WWOX: variants seen among roughly 807,000 people sequenced by gnomAD.
WWOX encodes the protein WW domain-containing oxidoreductase.
In WWOX, 69 loss-of-function variants were observed where a neutral mutation model predicts 46.2. The observed-to-expected ratio is 1.49, with a 90% CI of 1.23 to 1.82. The LOEUF is 1.82. WWOX is among the 40% of genes most tolerant of loss of function. The pLI is 0.00. For missense variants in WWOX, 919 were observed against 542.6 expected (o/e 1.69, Z -6.89); for synonymous variants, 359 against 202.6 (o/e 1.77, Z -6.56).
At chr16:78,325,028 C>T (rs964983527) in intron 5 of WWOX, among the ~76,000 whole-genome samples, 2 of 152,174 alleles carry the variant, frequency 1.3e-5, no homozygotes, top group African/African-American at 2.4e-5. Flanking sequence ...CACAAAAACC[C>T]ATTCCTCAGA....
At chr16:79,055,141 C>T (rs1190899918) in intron 8 of WWOX, among the ~76,000 whole-genome samples, 2 of 152,100 alleles carry the variant, frequency 1.3e-5, no homozygotes, top group African/African-American at 4.8e-5. Flanking sequence ...AAGAAAAAAA[C>T]ATTCCTCCTC....
At chr16:78,725,737 G>A (rs922997640) in intron 8 of WWOX, among the ~76,000 whole-genome samples, 1 of 152,012 alleles carries the variant, frequency 6.6e-6, no homozygotes, top group Admixed American at 6.6e-5. Context: ...AAATCAAGGT[G>A]TCAGCACAGC....
intron 8 of WWOX, chr16:78,552,523 T>A (rs2044198345): frequency 6.6e-6 from 1 of 152,182 alleles, no homozygotes; most frequent in Non-Finnish European, 1.5e-5. Flanking sequence ...GAGCGATGAG[T>A]AGAGGAGCAG....
At chr16:78,709,200 T>C (rs1288376470) in intron 8 of WWOX, among the ~76,000 whole-genome samples, 2 of 152,232 alleles carry the variant, frequency 1.3e-5, no homozygotes. Context: ...GTGTGGAATG[T>C]GGCTCTGGAA....
chr16:78,860,228 A>C (rs114666879), intron 8 of WWOX, among the ~76,000 whole-genome samples: 1 of 152,194 alleles, frequency 6.6e-6, no homozygotes, highest in African/African-American at 2.4e-5. Flanking sequence ...TATTTATACT[A>C]TTTGTCAATT....
At chr16:78,713,560 C>T (rs1271437702) in intron 8 of WWOX, among the ~76,000 whole-genome samples, 2 of 152,004 alleles carry the variant, frequency 1.3e-5, no homozygotes, top group Non-Finnish European at 2.9e-5. Context: ...GTCCCTAATT[C>T]AGTTTAATTT....
chr16:78,670,945 G>T (rs1302693090), intron 8 of WWOX, among the ~76,000 whole-genome samples: 1 of 151,976 alleles, frequency 6.6e-6, no homozygotes, highest in African/African-American at 2.4e-5. Flanking sequence ...AGAGAGGAAG[G>T]TGATGCCAAG....
At chr16:78,289,677 T>C (rs560758081) in intron 5 of WWOX, among the ~76,000 whole-genome samples, 32 of 152,338 alleles carry the variant, frequency 2.1e-4, no homozygotes, top group Non-Finnish European at 3.7e-4. Context: ...CAGATTCCAA[T>C]TGTAAAATCA....
In WWOX at chr16:78,209,863, A is replaced by C. The variant is rs1362553867; in HGVS notation, c.516+45574A>C. Among the ~76,000 whole-genome samples, 3 of 152,298 alleles carry C rather than the reference A, an allele frequency of 2.0e-5. No homozygotes were observed. In the East Asian group the frequency reaches 5.8e-4, roughly 29 times the overall value. On this transcript the variant is annotated intron_variant, in intron 5 of 8. Coordinates refer to ENST00000566780, the MANE Select transcript of WWOX (RefSeq NM_016373.4). ...TCTTTCCAAGGGTAAGACCTTCATA[A>C]TTCATTTATAAGTTACCTTCTTTCT...
intron 8 of WWOX, among the ~76,000 whole-genome samples, chr16:78,867,735 C>G (rs755379476): frequency 9.2e-5 from 14 of 152,036 alleles, no homozygotes; most frequent in Non-Finnish European, 1.6e-4. Flanking sequence ...AGTCCTACAA[C>G]TGGTGAGCTG....
intron 8 of WWOX, among the ~76,000 whole-genome samples, chr16:79,143,496 A>T (rs1597414640): frequency 6.6e-6 from 1 of 152,338 alleles, no homozygotes; most frequent in South Asian, 2.1e-4. Flanking sequence ...AGATTTTACT[A>T]GCTAGGACAA....
intron 8 of WWOX, among the ~76,000 whole-genome samples, chr16:78,788,697 T>A (rs2050518338): frequency 6.6e-6 from 1 of 152,238 alleles, no homozygotes; most frequent in African/African-American, 2.4e-5. Flanking sequence ...TCCTGAGTTC[T>A]GTCATCTGCT....
chr16:79,108,674 G>A (rs1348359073), intron 8 of WWOX, among the ~76,000 whole-genome samples: 4 of 152,162 alleles, frequency 2.6e-5, no homozygotes, highest in Admixed American at 2.6e-4. Flanking sequence ...GGCTGAGGCA[G>A]GAGGATTGCT....
chr16:78,609,485 A>C (rs962385934), intron 8 of WWOX, among the ~76,000 whole-genome samples: 1 of 152,106 alleles, frequency 6.6e-6, no homozygotes, highest in African/African-American at 2.4e-5. Context: ...AGAAAAAAAA[A>C]AATGTTTTCT....
chr16:79,107,486 G>T (rs1254411598), intron 8 of WWOX, among the ~76,000 whole-genome samples: 1 of 152,186 alleles, frequency 6.6e-6, no homozygotes, highest in Non-Finnish European at 1.5e-5. Flanking sequence ...TCTACTCAGG[G>T]TCTGTTGGGC....
intron 8 of WWOX, among the ~76,000 whole-genome samples, chr16:78,599,544 G>T (rs985556556): frequency 1.3e-5 from 2 of 152,142 alleles, no homozygotes; most frequent in African/African-American, 4.8e-5. Flanking sequence ...GGCCTCAGGA[G>T]GGCCACATTC....
intron 4 of WWOX, among the ~76,000 whole-genome samples, chr16:78,135,563 C>A (rs139376671): frequency 1.4e-4 from 21 of 152,208 alleles, no homozygotes; most frequent in African/African-American, 4.8e-4. Flanking sequence ...TTCTTCCATT[C>A]TGTGAACTTA....
intron 8 of WWOX, among the ~76,000 whole-genome samples, chr16:78,686,453 G>C (rs573996542): frequency 4.7e-4 from 71 of 151,892 alleles, no homozygotes; most frequent in African/African-American, 1.6e-3. Flanking sequence ...GGAGTTTGCA[G>C]TTAGCAGAGA....
chr16:79,037,955 T>G (rs535183240), intron 8 of WWOX, among the ~76,000 whole-genome samples: 1 of 151,954 alleles, frequency 6.6e-6, no homozygotes, highest in South Asian at 2.1e-4. Context: ...TCTTTTCTGG[T>G]TCTGTTCCTC....
Sources: gnomAD v4.1 joint callset for allele counts (sites outside exome capture counted in the v4.1 genomes callset) on GRCh38, gnomAD v4.1.1 for gene constraint, MANE v1.5 for transcripts, NCBI Gene and HGNC (gene_info 2026-07-23, HGNC 2026-07-21) for gene names.